DLG5: variants seen among roughly 807,000 people sequenced by gnomAD.
The protein encoded by DLG5 is discs large MAGUK scaffold protein 5.
A neutral mutation model predicts 189.8 loss-of-function variants in DLG5; 48 were observed. The observed-to-expected ratio is 0.25, with a 90% confidence interval of 0.20 to 0.32. The LOEUF (loss-of-function observed/expected upper bound fraction) is 0.32, where lower values mean the gene tolerates loss of function less well. Ranked by LOEUF, DLG5 falls within the 10% of genes least tolerant of loss-of-function variation. DLG5 has a pLI of 1.00. For synonymous variants in DLG5, 1,016 were observed against 1,054.1 expected, an observed-to-expected ratio of 0.96 and a Z score of 0.70; for missense variants, 2,160 against 2,544.7, an observed-to-expected ratio of 0.85 and a Z score of 3.25.
At chr10:77,852,105 A>G (rs1248691) in intron 5 of DLG5, among the ~76,000 whole-genome samples, 38,671 of 151,906 alleles carry the variant, frequency 0.25, 5,494 homozygotes, top group Admixed American at 0.39. Flanking sequence ...GGGTGTGATG[A>G]CTCACACCTG....
intron 1 of DLG5, among the ~76,000 whole-genome samples, chr10:77,921,848 G>A (rs1361380416): frequency 6.6e-6 from 1 of 152,178 alleles, no homozygotes; most frequent in African/African-American, 2.4e-5. Context: ...GAGTGGGAAC[G>A]AGAAGGAAAC....
chr10:77,850,268 T>C (rs1843901886), intron 5 of DLG5, among the ~76,000 whole-genome samples: 1 of 152,200 alleles, frequency 6.6e-6, no homozygotes, highest in South Asian at 2.1e-4. Flanking sequence ...GATTTCCCTG[T>C]TGTGGACATT....
chr10:77,906,370 G>C (rs115417110), intron 1 of DLG5, among the ~76,000 whole-genome samples: 1 of 152,196 alleles, frequency 6.6e-6, no homozygotes, highest in African/African-American at 2.4e-5. Flanking sequence ...TGACTGAACC[G>C]TACCTGCTAA....
At chr10:77,913,176 A>G (rs1564593722) in intron 1 of DLG5, among the ~76,000 whole-genome samples, 1 of 152,252 alleles carries the variant, frequency 6.6e-6, no homozygotes, top group Non-Finnish European at 1.5e-5. Flanking sequence ...TGAGGAAACC[A>G]TGGCTAAACA....
chr10:77,854,177 G>T, intron 4 of DLG5, 50 bp downstream of exon 4: 1 of 1,599,528 alleles, frequency 6.3e-7, no homozygotes, highest in Non-Finnish European at 8.5e-7. Context: ...GAAGGGCAAA[G>T]GCAGCTGTCT....
intron 1 of DLG5, among the ~76,000 whole-genome samples, chr10:77,909,998 CAG>C (rs1477537751): frequency 1.3e-5 from 2 of 152,156 alleles, no homozygotes; most frequent in Non-Finnish European, 2.9e-5. Context: ...AGCCAGCACC[CAG>C]AGTTTCTGCT....
At chr10:77,814,494 T>TAG (rs1448868156) in intron 20 of DLG5, among the ~76,000 whole-genome samples, 16 of 131,736 alleles carry the variant, frequency 1.2e-4, no homozygotes, top group Non-Finnish European at 2.1e-4. Flanking sequence ...TATATATATA[T>TAG]ATATATATAT....
At chr10:77,911,026 A>G (rs1419262029) in intron 1 of DLG5, among the ~76,000 whole-genome samples, 6 of 151,964 alleles carry the variant, frequency 3.9e-5, no homozygotes, top group African/African-American at 1.4e-4. Context: ...CAGGAAAAGA[A>G]GTTCTGGTCA....
At chr10:77,864,948 T>C (rs1027861745) in intron 2 of DLG5, among the ~76,000 whole-genome samples, 6 of 152,008 alleles carry the variant, frequency 3.9e-5, no homozygotes. Context: ...CAGGGTCTGG[T>C]TTTCAGAACC....
At chr10:77,825,131 C>T (rs1035629657) in intron 13 of DLG5, among the ~76,000 whole-genome samples, 8 of 152,002 alleles carry the variant, frequency 5.3e-5, no homozygotes, top group African/African-American at 1.2e-4. Flanking sequence ...AGGCATGGTG[C>T]GGAATCAAAA....
chr10:77,840,456 A>T (rs1843362509), intron 7 of DLG5, among the ~76,000 whole-genome samples: 1 of 150,246 alleles, frequency 6.7e-6, no homozygotes, highest in South Asian at 2.1e-4. Flanking sequence ...GGTGAATTAT[A>T]CTTGTAATCC....
At chr10:77,937,096 C>T in the DLG5 span, among the ~76,000 whole-genome samples, 2 of 152,166 alleles carry the variant, frequency 1.3e-5, no homozygotes, top group Admixed American at 6.5e-5. Flanking sequence ...TCCCTCAATT[C>T]CTCAAGAATA....
intron 1 of DLG5, chr10:77,869,528 G>T (rs1589237583): frequency 2.8e-6 from 1 of 351,380 alleles, no homozygotes; most frequent in African/African-American, 2.2e-5. Context: ...GGGTGTGGGG[G>T]TTTCCTCCAC....
intron 27 of DLG5, among the ~76,000 whole-genome samples, chr10:77,800,929 C>T: frequency 6.6e-6 from 1 of 152,184 alleles, no homozygotes; most frequent in East Asian, 1.9e-4. Flanking sequence ...CCACCAGCTG[C>T]ACAAAAGCTG....
intron 1 of DLG5, among the ~76,000 whole-genome samples, chr10:77,919,026 G>A (rs1218587373): frequency 6.6e-6 from 1 of 152,066 alleles, no homozygotes; most frequent in Non-Finnish European, 1.5e-5. Flanking sequence ...GACCAGCCTG[G>A]CCAAGATGGC....
At chr10:77,819,856 C>T (rs1226484538) in intron 16 of DLG5, 39 bp downstream of exon 16, 2 of 1,518,996 alleles carry the variant, frequency 1.3e-6, no homozygotes, top group Middle Eastern at 1.8e-4. Context: ...CCCGAGTTTA[C>T]ACCGACCCTC....
intron 1 of DLG5, among the ~76,000 whole-genome samples, chr10:77,892,727 A>T (rs1845646884): frequency 1.3e-5 from 2 of 152,258 alleles, no homozygotes; most frequent in African/African-American, 4.8e-5. Context: ...AGGGCCAGGC[A>T]GCCAGGAGAC....
At chr10:77,901,916 A>G (rs1845938988) in intron 1 of DLG5, among the ~76,000 whole-genome samples, 1 of 152,194 alleles carries the variant, frequency 6.6e-6, no homozygotes, top group Non-Finnish European at 1.5e-5. Context: ...TTCTCATCTT[A>G]TGACATTAGT....
At chr10:77,807,666 T>A in intron 25 of DLG5, 130 bp downstream of exon 25, 1 of 1,108,106 alleles carries the variant, frequency 9.0e-7, no homozygotes, top group Non-Finnish European at 1.3e-6. Context: ...AGATTGAGTG[T>A]CAAGGAATGA....
Sources: allele counts gnomAD v4.1 joint callset (sites outside exome capture counted in the v4.1 genomes callset), GRCh38; gene constraint gnomAD v4.1.1; transcripts MANE v1.5; gene names NCBI Gene and HGNC (gene_info 2026-07-23, HGNC 2026-07-21).